EGLN2: variants seen among roughly 807,000 people sequenced by gnomAD.
The protein encoded by EGLN2 is prolyl hydroxylase EGLN2.
Under a neutral mutation model 38.2 loss-of-function variants are expected in EGLN2, and 15 were observed. The observed-to-expected ratio is 0.39, with a 90% CI of 0.26 to 0.60. The LOEUF (loss-of-function observed/expected upper bound fraction) is 0.60, where lower values mean the gene tolerates loss of function less well. Ranked by LOEUF, EGLN2 falls within the 20% of genes least tolerant of loss-of-function variation. The probability of loss-of-function intolerance (pLI) is 0.50; values close to 1 mark genes in which losing one functional copy is unlikely to be tolerated. For missense variants in EGLN2, 492 were observed against 570.4 expected (o/e 0.86, Z 1.40); for synonymous variants, 284 against 237.4 (o/e 1.20, Z -1.81).
Position 40,801,352 on chromosome 19 carries a change from G to T in EGLN2, c.780G>T (p.Val260=). The change falls in exon 2 of 6, where the codon GTG becomes GTT. Residue 260 remains valine (V), a synonymous_variant. Transcript: ENST00000303961. The stretch of plus-strand genomic sequence containing the variant: ...GCATTGGTGCCCTCATGGCCCATGT[G>T]GACGCCGTCATCCGCCACTGCGCAG... ...CRSIGALMAH[V]DAVIRHCAGR... The T allele has an allele frequency of 1.2e-6, 2 of 1,611,736 alleles. No homozygotes were observed. Among genetic ancestry groups the T allele is most frequent in the Non-Finnish European group, 1.7e-6 (2 of 1,180,018 alleles).
Position 40,800,352 on chromosome 19 carries a change from T to C in EGLN2, c.-221T>C. 4 of 556,932 alleles carry C rather than the reference T, an allele frequency of 7.2e-6. No homozygotes were observed. Among genetic ancestry groups the C allele is most frequent in the East Asian group, 3.0e-5 (1 of 33,538 alleles). The allele number at this position is 556,932 out of a possible 1,614,324, so 34.5% of individuals were successfully genotyped here. Reference sequence around the variant, plus strand: ...TCCTTTCTCTAGCCACCCTGAAGGGTCCCTTCCCAAGCCCTTAGGGACCGC... The same window carrying C: ...TCCTTTCTCTAGCCACCCTGAAGGGCCCCTTCCCAAGCCCTTAGGGACCGC... On this transcript the variant is annotated 5_prime_UTR_variant, in exon 2 of 6. Coordinates refer to ENST00000303961, the MANE Select transcript of EGLN2 (RefSeq NM_080732.4).
intron 2 of EGLN2, among the ~76,000 whole-genome samples, chr19:40,802,145 C>T (rs2083266160): frequency 6.6e-6 from 1 of 152,144 alleles, no homozygotes; most frequent in Non-Finnish European, 1.5e-5. Flanking sequence ...GTCCATCCAT[C>T]CTGTCTCCAA....
At chr19:40,806,717 C>T (rs1244130652) in intron 3 of EGLN2, 43 bp downstream of exon 3, 1 of 1,598,924 alleles carries the variant, frequency 6.3e-7, no homozygotes, top group Non-Finnish European at 8.6e-7. Flanking sequence ...GGGGCTAGGG[C>T]TGGGGCGGGG....
chr19:40,802,877 C>T (rs1164048866), intron 2 of EGLN2, among the ~76,000 whole-genome samples: 2 of 152,260 alleles, frequency 1.3e-5, no homozygotes, highest in Admixed American at 6.5e-5. Context: ...ATGTCCTCTG[C>T]CTCCTCCTGC....
rs774034975 is a variant in EGLN2 at position 40,800,943 on chromosome 19, ATGG to A, written c.375_377del (p.Gly126del). On this transcript the variant is annotated inframe_deletion, in exon 2 of 6. Transcript: ENST00000303961. The stretch of plus-strand genomic sequence containing the variant: ...GCCCCCAAACGGAAATGGGCCGAGG[ATGG>A]TGGGGATGCCCCTTCACCCAGCAAA... 3.7e-5 allele frequency: 60 copies of A among 1,610,456 alleles called. No homozygotes were observed. The African/African-American group carries it at 6.5e-4, about 18-fold the overall frequency.
At chr19:40,800,299 T>TTATACACATCTG in intron 1 of EGLN2, 40 bp from the exon 2 acceptor site, 1 of 433,524 alleles carries the variant, frequency 2.3e-6, no homozygotes, top group Non-Finnish European at 4.2e-6. Context: ...TGCCTGTCTC[T>TTATACACATCTG]AGTTTCTCTC....
In EGLN2 at chr19:40,800,965, C is replaced by T. The variant is rs766236137; in HGVS notation, c.393C>T (p.Pro131=). The change falls in exon 2 of 6, where the codon CCC becomes CCT. Residue 131 remains proline (P), a synonymous_variant. Transcript: ENST00000303961. The stretch of plus-strand genomic sequence containing the variant: ...AGGATGGTGGGGATGCCCCTTCACC[C>T]AGCAAACGGCCCTGGGCCAGGCAAG... ...WAEDGGDAPS[P]SKRPWARQEN... 1 of 1,611,598 alleles carries T rather than the reference C, an allele frequency of 6.2e-7. No homozygotes were observed. Among genetic ancestry groups the T allele is most frequent in the African/African-American group, 1.3e-5 (1 of 75,044 alleles).
Position 40,807,261 on chromosome 19 carries a change from G to GTT in EGLN2, c.1087_1088insTT (p.Ala363ValfsTer28). On this transcript the variant is annotated frameshift_variant, in exon 4 of 6. Transcript: ENST00000303961. LOFTEE classifies it high-confidence loss of function. ...GCGGAACCCCCACGAGGTGAAGCCAGCCTATGCCACCAGGTATGACCTGTA... is the reference window on the plus strand; with the variant it reads ...GCGGAACCCCCACGAGGTGAAGCCAGTTCCTATGCCACCAGGTATGACCTGTA... The GTT allele has an allele frequency of 6.2e-7, 1 of 1,614,196 alleles. No individual in the cohort carries two copies. The highest frequency in any genetic ancestry group is 8.5e-7 in the Non-Finnish European group (1 of 1,180,014).
Position 40,800,837 on chromosome 19 carries a change from C to T in EGLN2, c.265C>T (p.Arg89Trp), listed in dbSNP as rs757861432. 2.5e-5 allele frequency: 41 copies of T among 1,612,730 alleles called. No individual in the cohort carries two copies. The highest frequency in any genetic ancestry group is 3.4e-5 in the Non-Finnish European group (40 of 1,179,840). ...TGGCGGGCAGGATGGTGGTGAGCTG[C>T]GGCCGCTGCAGAGTGAAGGCGCTGC... is the stretch of plus-strand genomic sequence containing the variant. ...GFGGQDGGELRPLQSEGAAAL... is the reference protein window; with the variant it reads ...GFGGQDGGELWPLQSEGAAAL... Residue 89 changes from arginine (R) to tryptophan (W), a missense_variant, in exon 2 of 6, where the codon CGG becomes TGG. Transcript: ENST00000303961.
Position 40,800,437 on chromosome 19 carries a change from C to T in EGLN2, c.-136C>T. On this transcript the variant is annotated 5_prime_UTR_variant, in exon 2 of 6. Coordinates refer to ENST00000303961, the MANE Select transcript of EGLN2 (RefSeq NM_080732.4). The stretch of plus-strand genomic sequence containing the variant: ...CACGAGAAGAGCTCTTGCTGTCTGC[C>T]CTGCCTCACCCTGCCCCACGCCAGG... 1 of 1,337,834 alleles carries T rather than the reference C, an allele frequency of 7.5e-7. No homozygotes were observed. Among genetic ancestry groups the T allele is most frequent in the East Asian group, 2.5e-5 (1 of 39,532 alleles). 82.9% of individuals were successfully genotyped at this position (1,337,834 alleles called of 1,614,324 possible). A position where few individuals can be genotyped will look rare whatever the true frequency, so the allele number is the denominator to read the frequency against.
intron 4 of EGLN2, 60 bp from the exon 5 acceptor site, chr19:40,807,424 G>A: frequency 1.2e-6 from 2 of 1,609,526 alleles, no homozygotes; most frequent in Non-Finnish European, 1.7e-6. Context: ...GCCGCCTAGT[G>A]TGTGTGGATA....
chr19:40,799,453 G>A (rs1346543972), intron 1 of EGLN2, 191 bp downstream of exon 1: 2 of 146,594 alleles, frequency 1.4e-5, no homozygotes, highest in Non-Finnish European at 3.0e-5. Context: ...TGTGGGGGTT[G>A]GGGTGGGGGC....
At chr19:40,803,986 T>G (rs1379912558) in intron 2 of EGLN2, 2 of 152,116 alleles carry the variant, frequency 1.3e-5, no homozygotes, top group African/African-American at 4.8e-5. Context: ...AAGTAGATAC[T>G]TTCCTTGGGG....
In EGLN2 at chr19:40,801,291, T is replaced by C. The variant is rs757692999; in HGVS notation, c.719T>C (p.Ile240Thr). ...IPPRSIRGDQ[I>T]AWVEGHEPGC... ...CCGCGCAGCATCCGTGGGGACCAGA[T>C]TGCCTGGGTGGAAGGCCATGAACCA... The change falls in exon 2 of 6, where the codon ATT becomes ACT. Residue 240 changes from isoleucine (I) to threonine (T), a missense_variant. Ile to Thr is a moderately conservative substitution (Grantham distance 89, BLOSUM62 -1). Coordinates refer to ENST00000303961, the MANE Select transcript of EGLN2 (RefSeq NM_080732.4). 1.2e-6 allele frequency: 2 copies of C among 1,613,194 alleles called. No individual in the cohort carries two copies. The highest frequency in any genetic ancestry group is 1.7e-6 in the Non-Finnish European group (2 of 1,180,002).
chr19:40,801,401 A>G lies in EGLN2; in HGVS notation c.829A>G (p.Asn277Asp). 1.2e-6 allele frequency: 2 copies of G among 1,605,406 alleles called. No individual in the cohort carries two copies. Among genetic ancestry groups the G allele is most frequent in the East Asian group, 2.2e-5 (1 of 44,806 alleles). ...CAGRLGSYVI[N>D]GRTKAMVACY... ...AGGGCGGCTGGGCAGCTATGTCATC[A>G]ACGGGCGCACCAAGGTAAGGCTAGG... Residue 277 changes from asparagine (N) to aspartate (D), a missense_variant, in exon 2 of 6, where the codon AAC (asparagine) becomes GAC (aspartate). Asn to Asp is a conservative substitution (Grantham distance 23). Coordinates refer to ENST00000303961, the MANE Select transcript of EGLN2 (RefSeq NM_080732.4).
chr19:40,806,369 A>T (rs2083300683), intron 2 of EGLN2, 186 bp from the exon 3 acceptor site: 14 of 1,214,858 alleles, frequency 1.2e-5, no homozygotes, highest in South Asian at 1.6e-5. Flanking sequence ...GAGGTTTCTG[A>T]TAGACTTGGG....
At chr19:40,806,937 T>A in intron 3 of EGLN2, 1 of 973,832 alleles carries the variant, frequency 1.0e-6, no homozygotes, top group Non-Finnish European at 1.5e-6. Flanking sequence ...ATGAACACTT[T>A]CCCCCTTTTC....
At chr19:40,806,843 C>G (rs1274252107) in intron 3 of EGLN2, 169 bp downstream of exon 3, 1 of 1,022,452 alleles carries the variant, frequency 9.8e-7, no homozygotes, top group African/African-American at 1.6e-5. Flanking sequence ...GAAATGGCAC[C>G]TCCTCCTCTC....
At chr19:40,803,308 TCTATGTGGTTGGGG>T (rs1279243071) in intron 2 of EGLN2, 2 of 152,360 alleles carry the variant, frequency 1.3e-5, no homozygotes, top group Non-Finnish European at 2.9e-5. Flanking sequence ...GTGCCCACTT[TCTATGTGGTTGGGG>T]ACAGGGCCCC....
Sources: gnomAD v4.1 joint callset for allele counts (sites outside exome capture counted in the v4.1 genomes callset) on GRCh38, gnomAD v4.1.1 for gene constraint, MANE v1.5 for transcripts, NCBI Gene and HGNC (gene_info 2026-07-23, HGNC 2026-07-21) for gene names.